TUSC3: variants seen among roughly 807,000 people sequenced by gnomAD.
The protein encoded by TUSC3 is dolichyl-diphosphooligosaccharide--protein glycosyltransferase subunit TUSC3.
In TUSC3, 45 loss-of-function variants were observed where a neutral mutation model predicts 44.8. The ratio of observed to expected loss-of-function variants is 1.00; its 90% CI spans 0.79 to 1.29. The LOEUF is 1.29. Ranked by LOEUF, TUSC3 falls within the 50% of genes most tolerant of loss-of-function variation. The pLI, the probability that TUSC3 is intolerant of heterozygous loss-of-function variation, is 0.00. For missense variants in TUSC3, 519 were observed against 437.9 expected (o/e 1.19, Z -1.65); for synonymous variants, 212 against 152.9 (o/e 1.39, Z -2.85).
At chr8:15,457,777 T>C (rs1800277171) in intron 1 of TUSC3, among the ~76,000 whole-genome samples, 2 of 147,878 alleles carry the variant, frequency 1.4e-5, no homozygotes, top group South Asian at 4.2e-4. Context: ...GATAATCTAA[T>C]AAATTAGATT....
At chr8:15,830,029 C>T in the TUSC3 span, among the ~76,000 whole-genome samples, 1 of 152,040 alleles carries the variant, frequency 6.6e-6, no homozygotes, top group Non-Finnish European at 1.5e-5. Flanking sequence ...TTTTAATTTG[C>T]ATTTCTCTTA....
the TUSC3 span, among the ~76,000 whole-genome samples, chr8:15,800,884 C>T: frequency 6.6e-6 from 1 of 152,144 alleles, no homozygotes. Context: ...CATGCTTGTT[C>T]TGAAAACTCC....
At chr8:15,633,143 A>G (rs1392735902) in intron 2 of TUSC3, among the ~76,000 whole-genome samples, 2 of 152,172 alleles carry the variant, frequency 1.3e-5, no homozygotes, top group Admixed American at 1.3e-4. Flanking sequence ...TTATGACTTC[A>G]GTTAGATACG....
At chr8:15,682,878 T>C (rs1449747766) in intron 6 of TUSC3, among the ~76,000 whole-genome samples, 3 of 152,022 alleles carry the variant, frequency 2.0e-5, no homozygotes, top group African/African-American at 2.4e-5. Context: ...TGATTGATTC[T>C]CTGGGAAAGG....
chr8:15,759,192 G>C (rs1280825071), intron 10 of TUSC3, among the ~76,000 whole-genome samples: 2 of 152,102 alleles, frequency 1.3e-5, no homozygotes, highest in Non-Finnish European at 2.9e-5. Context: ...GAACAACCCA[G>C]ACCTTTTTTC....
chr8:15,542,091 T>A (rs1801712614), intron 1 of TUSC3, among the ~76,000 whole-genome samples: 1 of 151,876 alleles, frequency 6.6e-6, no homozygotes. Flanking sequence ...AGGGTACAGC[T>A]GGCTTTTATA....
chr8:15,498,299 G>A (rs970014024), intron 2 of TUSC3, among the ~76,000 whole-genome samples: 4 of 152,196 alleles, frequency 2.6e-5, no homozygotes, highest in African/African-American at 9.6e-5. Flanking sequence ...GTTTCTGGAA[G>A]CTCTCATTTG....
intron 1 of TUSC3, among the ~76,000 whole-genome samples, chr8:15,622,827 C>T (rs990383338): frequency 1.3e-5 from 2 of 151,624 alleles, no homozygotes; most frequent in East Asian, 1.9e-4. Context: ...TTTATGTCAA[C>T]CCCCATTGGC....
At chr8:15,833,427 T>G in the TUSC3 span, among the ~76,000 whole-genome samples, 2 of 152,186 alleles carry the variant, frequency 1.3e-5, no homozygotes, top group East Asian at 3.9e-4. Context: ...ATTCCAGCAC[T>G]ATTCACATTA....
At chr8:15,523,811 A>G (rs904319111) in intron 2 of TUSC3, among the ~76,000 whole-genome samples, 14 of 150,764 alleles carry the variant, frequency 9.3e-5, no homozygotes, top group African/African-American at 2.9e-4. Flanking sequence ...TAATCCCAGC[A>G]CTTTGAAAGG....
chr8:15,605,857 C>T (rs1292599798), intron 1 of TUSC3, among the ~76,000 whole-genome samples: 1 of 152,010 alleles, frequency 6.6e-6, no homozygotes, highest in Non-Finnish European at 1.5e-5. Context: ...TTATAGGCTA[C>T]TGTCATAACT....
chr8:15,464,086 A>G (rs779867485), intron 1 of TUSC3, among the ~76,000 whole-genome samples: 2 of 152,200 alleles, frequency 1.3e-5, no homozygotes, highest in Non-Finnish European at 2.9e-5. Context: ...ATCAAGCCAT[A>G]GTGAGTCTAG....
chr8:15,710,130 A>G (rs112421549), intron 6 of TUSC3, among the ~76,000 whole-genome samples: 37 of 150,714 alleles, frequency 2.5e-4, no homozygotes, highest in Admixed American at 3.3e-4. Context: ...TTTTTCTTCT[A>G]TTTGCTGAAA....
the TUSC3 span, among the ~76,000 whole-genome samples, chr8:15,799,373 G>A: frequency 3.8e-4 from 58 of 151,960 alleles, no homozygotes; most frequent in East Asian, 9.7e-3. Context: ...TGTCAGAAAG[G>A]GGTGGACATT....
chr8:15,799,135 C>G, the TUSC3 span, among the ~76,000 whole-genome samples: 618 of 152,220 alleles, frequency 4.1e-3, 5 homozygotes, highest in African/African-American at 0.014. Context: ...AAAACAAAAA[C>G]CAACCACTCT....
chr8:15,613,938 G>C (rs1476244280), intron 1 of TUSC3, among the ~76,000 whole-genome samples: 2 of 151,726 alleles, frequency 1.3e-5, no homozygotes, highest in East Asian at 3.9e-4. Flanking sequence ...ATCTAATTTA[G>C]AGATTCACTC....
chr8:15,809,286 A>T, the TUSC3 span, among the ~76,000 whole-genome samples: 1 of 152,194 alleles, frequency 6.6e-6, no homozygotes, highest in African/African-American at 2.4e-5. Context: ...AATCTTTAAC[A>T]AAACATAGTT....
intron 1 of TUSC3, among the ~76,000 whole-genome samples, chr8:15,466,907 C>A (rs952609463): frequency 1.3e-5 from 2 of 152,068 alleles, no homozygotes; most frequent in Non-Finnish European, 2.9e-5. Flanking sequence ...TTCTTTCGTC[C>A]TTTTATGTAA....
intron 2 of TUSC3, among the ~76,000 whole-genome samples, chr8:15,647,734 C>T (rs185966585): frequency 3.5e-4 from 54 of 152,232 alleles, no homozygotes; most frequent in African/African-American, 1.1e-3. Context: ...GGTCTAATTT[C>T]AGATTCCTTA....
Sources: allele counts gnomAD v4.1 joint callset (sites outside exome capture counted in the v4.1 genomes callset), GRCh38; gene constraint gnomAD v4.1.1; transcripts MANE v1.5; gene names NCBI Gene and HGNC (gene_info 2026-07-23, HGNC 2026-07-21).